TVP23B: variants seen among roughly 807,000 people sequenced by gnomAD.
The protein encoded by TVP23B is Golgi apparatus membrane protein TVP23 homolog B.
A neutral mutation model predicts 30.6 loss-of-function variants in TVP23B; 10 were observed. That is an observed-to-expected ratio of 0.33 (90% CI 0.20 to 0.55). The LOEUF (loss-of-function observed/expected upper bound fraction) is 0.55, where lower values mean the gene tolerates loss of function less well. Among genes scored for constraint, TVP23B ranks in the 20% least tolerant of loss-of-function variants. The probability of loss-of-function intolerance (pLI) is 0.91; values close to 1 mark genes in which losing one functional copy is unlikely to be tolerated. For missense variants in TVP23B, 153 were observed against 243.2 expected (o/e 0.63, Z 2.47); for synonymous variants, 67 against 83.1 (o/e 0.81, Z 1.06).
chr17:18,789,416 C>T lies in TVP23B; in HGVS notation c.76C>T (p.Pro26Ser). ...TGCGGAAGAGGAGACGACTAATAGA[C>T]CAAGAAAAGCCAAAATCAGGTAGGA... ...FDAEEETTNR[P>S]RKAKIRHPVA... Residue 26 changes from proline (P) to serine (S), a missense_variant, in exon 2 of 7, where the codon CCA becomes TCA. By Grantham distance (74) the Pro-to-Ser change is moderately conservative. This residue lies in a region of TVP23B where 38 missense variants were observed against 40.9 expected (regional missense o/e 0.93). Transcript: ENST00000307767. The T allele has an allele frequency of 6.2e-7, 1 of 1,613,936 alleles. No individual in the cohort carries two copies. Among genetic ancestry groups the T allele is most frequent in the African/African-American group, 1.3e-5 (1 of 75,020 alleles).
At chr17:18,790,393 G>C (rs901317797) in intron 2 of TVP23B, among the ~76,000 whole-genome samples, 34 of 150,884 alleles carry the variant, frequency 2.3e-4, no homozygotes, top group African/African-American at 8.3e-4. Context: ...GAACCCAGGA[G>C]GTGAAGTTTG....
At chr17:18,785,427 A>G (rs576418963) in intron 1 of TVP23B, among the ~76,000 whole-genome samples, 32 of 145,346 alleles carry the variant, frequency 2.2e-4, no homozygotes, top group African/African-American at 8.0e-4. Context: ...TTACAGCAGT[A>G]CCTGGCACTT....
chr17:18,798,352 C>A (rs537927662), intron 4 of TVP23B, among the ~76,000 whole-genome samples: 2 of 151,578 alleles, frequency 1.3e-5, no homozygotes, highest in South Asian at 4.2e-4. Flanking sequence ...ACCCTTGTAA[C>A]TTCCTGGGTA....
intron 1 of TVP23B, among the ~76,000 whole-genome samples, chr17:18,788,329 T>TTA (rs2035940300): frequency 1.1e-4 from 2 of 17,610 alleles, no homozygotes; most frequent in Non-Finnish European, 2.2e-4. Flanking sequence ...AGACTCCATC[T>TTA]CAAAAAAAAA....
In TVP23B at chr17:18,790,950, C is replaced by G; in HGVS notation, c.150C>G (p.Val50=). The G allele has an allele frequency of 1.2e-6, 2 of 1,613,306 alleles. No individual in the cohort carries two copies. The highest frequency in any genetic ancestry group is 1.7e-6 in the Non-Finnish European group (2 of 1,179,684). ...TCTTTCGAGTCAGTGCAATCATCGTCTATCTTCTCTGTGGGTTGCTCAGCA... is the reference window on the plus strand; with the variant it reads ...TCTTTCGAGTCAGTGCAATCATCGTGTATCTTCTCTGTGGGTTGCTCAGCA... ...HLFFRVSAII[V]YLLCGLLSSS... is the part of the protein sequence containing the mutation. The change falls in exon 3 of 7, where the codon GTC becomes GTG. Residue 50 remains valine (V), a synonymous_variant. Transcript: ENST00000307767.
At chr17:18,799,406 T>C (rs1241814139) in intron 5 of TVP23B, among the ~76,000 whole-genome samples, 1 of 151,958 alleles carries the variant, frequency 6.6e-6, no homozygotes, top group Non-Finnish European at 1.5e-5. Flanking sequence ...CACATGTTTT[T>C]CCCTGTGCCT....
chr17:18,801,574 G>C (rs1486848183), intron 5 of TVP23B, among the ~76,000 whole-genome samples: 7 of 152,118 alleles, frequency 4.6e-5, no homozygotes, highest in Non-Finnish European at 8.8e-5. Flanking sequence ...CTCTTGGCTG[G>C]GCTGCCTGGT....
intron 3 of TVP23B, among the ~76,000 whole-genome samples, chr17:18,792,416 A>G (rs989043710): frequency 2.6e-5 from 4 of 152,208 alleles, no homozygotes; most frequent in African/African-American, 9.7e-5. Context: ...CTGAGAAGGA[A>G]GATTTCAAAG....
intron 3 of TVP23B, among the ~76,000 whole-genome samples, chr17:18,792,100 C>A (rs1956259152): frequency 6.6e-6 from 1 of 151,626 alleles, no homozygotes; most frequent in African/African-American, 2.4e-5. Context: ...ATGGCATGAT[C>A]TTGGCTCACC....
chr17:18,793,863 A>T (rs2036035992), intron 3 of TVP23B, among the ~76,000 whole-genome samples: 2 of 152,192 alleles, frequency 1.3e-5, no homozygotes, highest in Non-Finnish European at 2.9e-5. Flanking sequence ...CAAAGTCCAA[A>T]CAAAAGATCT....
At chr17:18,784,229 G>C (rs1420426962) in intron 1 of TVP23B, among the ~76,000 whole-genome samples, 1 of 152,152 alleles carries the variant, frequency 6.6e-6, no homozygotes, top group African/African-American at 2.4e-5. Context: ...TTAAAGACTT[G>C]TATCATATAT....
intron 1 of TVP23B, among the ~76,000 whole-genome samples, chr17:18,787,519 C>T (rs577494185): frequency 6.6e-6 from 1 of 151,920 alleles, no homozygotes; most frequent in Non-Finnish European, 1.5e-5. Flanking sequence ...AATGGAGATT[C>T]GTCCAAGTGC....
At chr17:18,790,337 G>A (rs2035971353) in intron 2 of TVP23B, among the ~76,000 whole-genome samples, 1 of 151,536 alleles carries the variant, frequency 6.6e-6, no homozygotes, top group South Asian at 2.1e-4. Context: ...GGTGGCAGGC[G>A]CCTGTAGTCC....
rs961283447 is a variant in TVP23B, at chr17:18,788,330, CA to C, written c.13-1004del. 8.7e-3 allele frequency among the ~76,000 whole-genome samples: 586 copies of C among 67,318 alleles called. 3 individuals are homozygous for C. The highest frequency in any genetic ancestry group is 0.03 in the African/African-American group (516 of 17,438). 44.2% of individuals were successfully genotyped at this position (67,318 alleles called of 152,430 possible). ...TGAGCGACAGAGCAAGACTCCATCT[CA>C]AAAAAAAAAAAAAAAAAAGCCTAAG... On this transcript the variant is annotated intron_variant, in intron 1 of 6. Transcript: ENST00000307767.
chr17:18,795,873 CATT>C (rs2151848861), intron 3 of TVP23B: 1 of 151,864 alleles, frequency 6.6e-6, no homozygotes, highest in East Asian at 1.9e-4. Context: ...TCTTACTGTG[CATT>C]ATTTATAAAT....
chr17:18,781,383 G>A (rs1214279764), intron 1 of TVP23B, 78 bp downstream of exon 1: 6 of 1,536,056 alleles, frequency 3.9e-6, no homozygotes, highest in Non-Finnish European at 5.3e-6. Context: ...TGGAGCCCGC[G>A]TCCCCCGCGC....
chr17:18,796,898 A>G (rs1342137133), intron 3 of TVP23B: 1 of 152,928 alleles, frequency 6.5e-6, no homozygotes, highest in Non-Finnish European at 1.5e-5. Context: ...TCTGATACCC[A>G]GACTAGATCC....
chr17:18,787,393 ACT>A (rs1444411763), intron 1 of TVP23B, among the ~76,000 whole-genome samples: 4 of 108,704 alleles, frequency 3.7e-5, no homozygotes, highest in African/African-American at 7.9e-5. Flanking sequence ...ACAGAGCAAG[ACT>A]CTGTCTCAAA....
At chr17:18,790,723 G>A (rs942746464) in intron 2 of TVP23B, among the ~76,000 whole-genome samples, 173 bp from the exon 3 acceptor site, 4 of 152,184 alleles carry the variant, frequency 2.6e-5, no homozygotes, top group Non-Finnish European at 4.4e-5. Flanking sequence ...TAGTCAAATA[G>A]TGGGGCTTAA....
Sources: gnomAD v4.1 joint callset for allele counts (sites outside exome capture counted in the v4.1 genomes callset) on GRCh38, gnomAD v4.1.1 for gene constraint, gnomAD v4.1.1 regional missense constraint, MANE v1.5 for transcripts, NCBI Gene and HGNC (gene_info 2026-07-23, HGNC 2026-07-21) for gene names.